PDE7B: variants seen among roughly 807,000 people sequenced by gnomAD.
The protein encoded by PDE7B is 3',5'-cyclic-AMP phosphodiesterase 7B.
PDE7B carries 29 observed loss-of-function variants against 56.2 expected under a neutral mutation model. The observed-to-expected ratio is 0.52, with a 90% confidence interval of 0.38 to 0.70. PDE7B has a LOEUF of 0.70. PDE7B is among the 30% of genes least tolerant of loss of function. The pLI, the probability that PDE7B is intolerant of heterozygous loss-of-function variation, is 0.00. For missense variants in PDE7B, 490 were observed against 565.0 expected (o/e 0.87, Z 1.35); for synonymous variants, 197 against 196.9 (o/e 1.00, Z 0.00).
At chr6:136,110,240 A>G (rs1418116218) in intron 3 of PDE7B, among the ~76,000 whole-genome samples, 1 of 152,190 alleles carries the variant, frequency 6.6e-6, no homozygotes. Context: ...AGACCAATGC[A>G]ATATGGGATA....
chr6:136,060,870 C>T (rs1340075299), intron 2 of PDE7B, among the ~76,000 whole-genome samples: 1 of 152,144 alleles, frequency 6.6e-6, no homozygotes, highest in African/African-American at 2.4e-5. Flanking sequence ...TGATATATTC[C>T]ACTTCTTTTT....
At chr6:136,115,265 C>T (rs868255442) in intron 3 of PDE7B, among the ~76,000 whole-genome samples, 15 of 151,812 alleles carry the variant, frequency 9.9e-5, no homozygotes, top group African/African-American at 3.4e-4. Flanking sequence ...CAGAGGAGTT[C>T]GAGAAGGGAA....
intron 1 of PDE7B, among the ~76,000 whole-genome samples, chr6:135,875,442 T>G (rs1775474521): frequency 6.6e-6 from 1 of 152,122 alleles, no homozygotes; most frequent in Non-Finnish European, 1.5e-5. Context: ...GTATTTAATA[T>G]CCCTATCATA....
At chr6:136,061,614 T>G (rs986334404) in intron 2 of PDE7B, among the ~76,000 whole-genome samples, 3 of 152,212 alleles carry the variant, frequency 2.0e-5, no homozygotes, top group African/African-American at 7.2e-5. Context: ...AGCTACTTAG[T>G]ACCCTGCAGA....
At chr6:135,940,151 G>A (rs934660774) in intron 1 of PDE7B, among the ~76,000 whole-genome samples, 3 of 152,010 alleles carry the variant, frequency 2.0e-5, no homozygotes, top group African/African-American at 7.3e-5. Flanking sequence ...CCCATCCTTG[G>A]CAGCTGCTTT....
At chr6:136,148,868 A>C (rs867122523) in intron 4 of PDE7B, among the ~76,000 whole-genome samples, 7 of 152,136 alleles carry the variant, frequency 4.6e-5, no homozygotes, top group African/African-American at 1.7e-4. Flanking sequence ...AAAATAACCT[A>C]ATATCCCTTC....
intron 2 of PDE7B, among the ~76,000 whole-genome samples, chr6:135,980,610 A>T (rs1185994793): frequency 1.3e-5 from 2 of 152,162 alleles, no homozygotes; most frequent in African/African-American, 4.8e-5. Flanking sequence ...AACCCCATCA[A>T]AGAGTGGGCG....
At chr6:136,063,665 C>T (rs558449300) in intron 2 of PDE7B, among the ~76,000 whole-genome samples, 9 of 152,302 alleles carry the variant, frequency 5.9e-5, no homozygotes, top group Admixed American at 1.3e-4. Context: ...AAGGCAGCCC[C>T]GCCCCTACTT....
At chr6:136,111,462 T>C (rs1214187244) in intron 3 of PDE7B, among the ~76,000 whole-genome samples, 1 of 152,192 alleles carries the variant, frequency 6.6e-6, no homozygotes, top group South Asian at 2.1e-4. Flanking sequence ...AAAGACCCCA[T>C]TGGTGAGTTG....
At chr6:136,179,165 T>A (rs377267953) in intron 10 of PDE7B, 24 bp downstream of exon 10, 213 of 1,610,548 alleles carry the variant, frequency 1.3e-4, no homozygotes, top group Middle Eastern at 6.6e-4. Flanking sequence ...TAAAAGCCAT[T>A]CTTTTTGCTG....
intron 2 of PDE7B, among the ~76,000 whole-genome samples, chr6:136,090,597 G>C (rs1032614531): frequency 5.9e-5 from 9 of 152,172 alleles, no homozygotes; most frequent in African/African-American, 1.9e-4. Context: ...CTTTGAGTGT[G>C]AGTACACATT....
At chr6:136,154,867 C>A (rs755466519) in intron 7 of PDE7B, among the ~76,000 whole-genome samples, 3 of 152,200 alleles carry the variant, frequency 2.0e-5, no homozygotes, top group Non-Finnish European at 4.4e-5. Context: ...TTTTTAACAT[C>A]CCCCTACATA....
chr6:136,040,442 T>TA (rs1412871415), intron 2 of PDE7B, among the ~76,000 whole-genome samples: 2 of 152,192 alleles, frequency 1.3e-5, no homozygotes, highest in African/African-American at 4.8e-5. Context: ...AACTGTCTCT[T>TA]ACCTTCTTCC....
chr6:135,992,209 C>CT (rs1403810847), intron 2 of PDE7B, among the ~76,000 whole-genome samples: 3 of 108,706 alleles, frequency 2.8e-5, no homozygotes, highest in East Asian at 2.8e-4. Context: ...ACCTGATGAG[C>CT]TAAAAAAAAA....
chr6:136,091,168 A>G (rs994917778), intron 2 of PDE7B, among the ~76,000 whole-genome samples: 4 of 152,176 alleles, frequency 2.6e-5, no homozygotes, highest in African/African-American at 9.7e-5. Context: ...CTCCCCATTG[A>G]AGTCACTAGG....
chr6:135,931,261 T>C (rs1272048194), intron 1 of PDE7B, among the ~76,000 whole-genome samples: 1 of 152,242 alleles, frequency 6.6e-6, no homozygotes, highest in Non-Finnish European at 1.5e-5. Flanking sequence ...ATTTTACTCC[T>C]TTATTCCTCA....
intron 1 of PDE7B, among the ~76,000 whole-genome samples, chr6:135,853,949 G>A (rs1213747159): frequency 2.0e-5 from 3 of 151,954 alleles, no homozygotes; most frequent in Non-Finnish European, 4.4e-5. Context: ...AAATAATTTT[G>A]GTCTTTTCAT....
At chr6:136,136,726 C>A (rs1161651586) in intron 3 of PDE7B, among the ~76,000 whole-genome samples, 2 of 132,430 alleles carry the variant, frequency 1.5e-5, no homozygotes, top group East Asian at 2.1e-4. Flanking sequence ...AAAAATAAAA[C>A]AATTATAAGA....
chr6:135,898,493 A>G (rs1775941472), intron 1 of PDE7B, among the ~76,000 whole-genome samples: 1 of 152,200 alleles, frequency 6.6e-6, no homozygotes. Context: ...ATGCAGTTAT[A>G]TATGTCATTA....
Sources: gnomAD v4.1 joint callset for allele counts (sites outside exome capture counted in the v4.1 genomes callset) on GRCh38, gnomAD v4.1.1 for gene constraint, MANE v1.5 for transcripts, NCBI Gene and HGNC (gene_info 2026-07-23, HGNC 2026-07-21) for gene names.